Variants in SORCS2 observed in about 807,000 individuals in gnomAD.
The protein encoded by SORCS2 is VPS10 domain-containing receptor SorCS2.
In SORCS2, 100 loss-of-function variants were observed where a neutral mutation model predicts 141.6. The observed-to-expected ratio is 0.71, with a 90% CI of 0.60 to 0.83. The LOEUF is 0.83. SORCS2 is among the 40% of genes least tolerant of loss of function. The probability of loss-of-function intolerance (pLI) is 0.00; values close to 1 mark genes in which losing one functional copy is unlikely to be tolerated. For missense variants in SORCS2, 1,646 were observed against 1,560.2 expected (o/e 1.05, Z -0.93); for synonymous variants, 789 against 676.9 (o/e 1.17, Z -2.57).
At chr4:7,222,879 GA>G (rs1296834774) in intron 1 of SORCS2, among the ~76,000 whole-genome samples, 6 of 152,090 alleles carry the variant, frequency 3.9e-5, no homozygotes, top group Non-Finnish European at 7.4e-5. Flanking sequence ...AGGGAGGCTG[GA>G]AACCATTCCT....
chr4:7,276,368 G>A (rs1231176410), intron 1 of SORCS2, among the ~76,000 whole-genome samples: 8 of 152,102 alleles, frequency 5.3e-5, no homozygotes, highest in Admixed American at 3.9e-4. Flanking sequence ...TGTTCCCTCC[G>A]GCAGACAAGA....
At chr4:7,295,377 C>G (rs951672407) in intron 1 of SORCS2, among the ~76,000 whole-genome samples, 1 of 151,782 alleles carries the variant, frequency 6.6e-6, no homozygotes, top group Non-Finnish European at 1.5e-5. Context: ...GCACCCTGAG[C>G]TCTGCCGGCC....
Position 7,669,703 on chromosome 4 carries a change from C to T in SORCS2, c.1161+2490C>T, listed in dbSNP as rs547568486. On this transcript the variant is annotated intron_variant, in intron 8 of 26. Transcript: ENST00000507866. ...ATCATAGACATTGGAGCAGGGGACT[C>T]ACCCGCAAACCTCTCACCTCATCCA... 5.9e-5 allele frequency among the ~76,000 whole-genome samples: 9 copies of T among 152,242 alleles called. No individual in the cohort carries two copies. The East Asian group carries it at 1.5e-3, about 26-fold the overall frequency.
At chr4:7,336,409 A>C (rs1004523138) in intron 1 of SORCS2, among the ~76,000 whole-genome samples, 1 of 151,880 alleles carries the variant, frequency 6.6e-6, no homozygotes, top group Admixed American at 6.6e-5. Flanking sequence ...GCCCCGGCTG[A>C]GATCAATGCG....
chr4:7,634,742 C>T (rs1168192923), intron 3 of SORCS2, among the ~76,000 whole-genome samples: 5 of 152,172 alleles, frequency 3.3e-5, no homozygotes, highest in Non-Finnish European at 7.4e-5. Flanking sequence ...AGTGACTCCA[C>T]CAGGGAGGGT....
rs148183909 is a variant in SORCS2, at chr4:7,292,979, C to G, written c.480+99853C>G. 3.1e-3 allele frequency among the ~76,000 whole-genome samples: 479 copies of G among 152,282 alleles called. 4 individuals are homozygous for G. Among genetic ancestry groups the G allele is most frequent in the African/African-American group, 0.011 (455 of 41,560 alleles). The stretch of plus-strand genomic sequence containing the variant: ...GTTACCTCTGCTGATTTCCTTTTCT[C>G]TTTCTCTATTGAGGAGTCTGTGACA... On this transcript the variant is annotated intron_variant, in intron 1 of 26. Transcript: ENST00000507866.
At chr4:7,347,911 A>T (rs1674518434) in intron 1 of SORCS2, among the ~76,000 whole-genome samples, 1 of 152,254 alleles carries the variant, frequency 6.6e-6, no homozygotes, top group African/African-American at 2.4e-5. Context: ...ATTCATTATT[A>T]CAATGTCTGC....
intron 3 of SORCS2, among the ~76,000 whole-genome samples, chr4:7,544,348 G>A (rs559272890): frequency 4.6e-5 from 7 of 152,360 alleles, no homozygotes; most frequent in South Asian, 4.1e-4. Context: ...GATATTCCTT[G>A]TTGATTAGGT....
chr4:7,426,448 C>T (rs1726445231), intron 2 of SORCS2, among the ~76,000 whole-genome samples: 1 of 152,198 alleles, frequency 6.6e-6, no homozygotes, highest in Admixed American at 6.5e-5. Context: ...TGTTGTAGGC[C>T]AGGTGTGGCT....
chr4:7,490,971 A>T (rs1731280876), intron 2 of SORCS2, among the ~76,000 whole-genome samples: 1 of 152,076 alleles, frequency 6.6e-6, no homozygotes, highest in South Asian at 2.1e-4. Flanking sequence ...TGTTCTTACC[A>T]GCTGCCCAGC....
chr4:7,592,913 A>T (rs566542818), intron 3 of SORCS2, among the ~76,000 whole-genome samples: 5 of 152,314 alleles, frequency 3.3e-5, no homozygotes, highest in Non-Finnish European at 7.3e-5. Flanking sequence ...TAATTTCTCC[A>T]CTTGAAGGTG....
At chr4:7,296,700 G>C (rs895344964) in intron 1 of SORCS2, among the ~76,000 whole-genome samples, 1 of 152,172 alleles carries the variant, frequency 6.6e-6, no homozygotes, top group African/African-American at 2.4e-5. Context: ...TGCGGGGAGG[G>C]GTGAACAAGT....
chr4:7,691,741 G>A (rs915491530), intron 11 of SORCS2, among the ~76,000 whole-genome samples: 4 of 151,968 alleles, frequency 2.6e-5, no homozygotes, highest in Non-Finnish European at 5.9e-5. Flanking sequence ...GGTTTCCCGG[G>A]CTCCTCAATG....
intron 3 of SORCS2, among the ~76,000 whole-genome samples, chr4:7,557,878 T>C (rs1714252729): frequency 6.6e-6 from 1 of 152,200 alleles, no homozygotes; most frequent in Admixed American, 6.5e-5. Flanking sequence ...AAATGACCTA[T>C]ACCCACCAGC....
chr4:7,510,896 C>T (rs1178524176), intron 2 of SORCS2, among the ~76,000 whole-genome samples: 3 of 152,232 alleles, frequency 2.0e-5, no homozygotes, highest in Non-Finnish European at 4.4e-5. Flanking sequence ...ACACTTTCCT[C>T]CTTTCTAACA....
chr4:7,498,295 G>A (rs1240003084), intron 2 of SORCS2, among the ~76,000 whole-genome samples: 1 of 152,218 alleles, frequency 6.6e-6, no homozygotes, highest in East Asian at 1.9e-4. Flanking sequence ...CCCTGCCTTG[G>A]CTGATGTGGG....
At position 7,601,359 on chromosome 4, in the gene SORCS2, A is replaced by G. The variant is rs544295008; in HGVS notation, c.649-36969A>G. Among the ~76,000 whole-genome samples the G allele has an allele frequency of 2.0e-5, 3 of 151,792 alleles. No individual in the cohort carries two copies. The South Asian group carries it at 6.2e-4, about 32-fold the overall frequency. On this transcript the variant is annotated intron_variant, in intron 3 of 26. Transcript: ENST00000507866. ...GCAATATCTTTATTCAAACAGTAGTAGTGCAACTTAAACATTTGTAGAACT... is the reference window on the plus strand; with the variant it reads ...GCAATATCTTTATTCAAACAGTAGTGGTGCAACTTAAACATTTGTAGAACT...
At chr4:7,729,766 G>T (rs948702907) in intron 23 of SORCS2, 54 bp downstream of exon 23, 3 of 1,573,748 alleles carry the variant, frequency 1.9e-6, no homozygotes, top group Non-Finnish European at 2.6e-6. Context: ...CCCAGGGCTC[G>T]GGTCATTTAC....
chr4:7,314,473 G>T (rs1479218971), intron 1 of SORCS2, among the ~76,000 whole-genome samples: 1 of 151,968 alleles, frequency 6.6e-6, no homozygotes, highest in Non-Finnish European at 1.5e-5. Context: ...CCGAGTAGCT[G>T]GGACTACAGG....
Sources: allele counts gnomAD v4.1 joint callset (sites outside exome capture counted in the v4.1 genomes callset), GRCh38; gene constraint gnomAD v4.1.1; transcripts MANE v1.5; gene names NCBI Gene and HGNC (gene_info 2026-07-23, HGNC 2026-07-21).